UQCC1: variants seen among roughly 807,000 people sequenced by gnomAD.
UQCC1 encodes the protein bFGF-repressed Zic-binding protein.
A neutral mutation model predicts 48.0 loss-of-function variants in UQCC1; 38 were observed. The observed-to-expected ratio is 0.79, with a 90% confidence interval of 0.61 to 1.04. The LOEUF (loss-of-function observed/expected upper bound fraction) is 1.04. Ranked by LOEUF, UQCC1 falls within the 50% of genes least tolerant of loss-of-function variation. The pLI is 0.00. For synonymous variants in UQCC1, 111 were observed against 129.2 expected, an observed-to-expected ratio of 0.86 and a Z score of 0.95; for missense variants, 368 against 381.8, an observed-to-expected ratio of 0.96 and a Z score of 0.30.
chr20:35,311,238 A>G (rs1011468841), intron 8 of UQCC1, among the ~76,000 whole-genome samples: 1 of 152,180 alleles, frequency 6.6e-6, no homozygotes, highest in Non-Finnish European at 1.5e-5. Flanking sequence ...CAATGGCAAC[A>G]GTTCACAGAA....
At chr20:35,331,470 T>A (rs2061256908) in intron 7 of UQCC1, among the ~76,000 whole-genome samples, 2 of 151,274 alleles carry the variant, frequency 1.3e-5, no homozygotes, top group Admixed American at 6.6e-5. Context: ...TCCAAGTAAT[T>A]TATTCACTGG....
intron 7 of UQCC1, chr20:35,315,445 A>C (rs2061046546): frequency 6.6e-6 from 1 of 152,318 alleles, no homozygotes; most frequent in Admixed American, 6.5e-5. Flanking sequence ...GTGATGAAAA[A>C]ACAGAGAAGG....
chr20:35,357,754 T>C (rs922200438), intron 6 of UQCC1, among the ~76,000 whole-genome samples: 1 of 150,450 alleles, frequency 6.6e-6, no homozygotes, highest in African/African-American at 2.4e-5. Context: ...AATAAAAGAC[T>C]TGAAGATCCT....
intron 7 of UQCC1, chr20:35,344,859 G>T (rs2061416909): frequency 6.6e-6 from 1 of 152,244 alleles, no homozygotes; most frequent in Non-Finnish European, 1.5e-5. Flanking sequence ...ACCAAGGGAG[G>T]ATTAGAAGGT....
At position 35,306,646 on chromosome 20, in the gene UQCC1, G is replaced by C; in HGVS notation, c.765+20C>G. 1 of 1,590,160 alleles carries C rather than the reference G, an allele frequency of 6.3e-7. No individual in the cohort carries two copies. Among genetic ancestry groups the C allele is most frequent in the South Asian group, 1.1e-5 (1 of 90,640 alleles). Reference sequence around the variant, plus strand: ...CCCACTGTTGCCAGGACTTGGGAGGGGAGGGAAAGGGTCACTCACCTGTTT... The same window carrying C: ...CCCACTGTTGCCAGGACTTGGGAGGCGAGGGAAAGGGTCACTCACCTGTTT... On this transcript the variant is annotated intron_variant, in intron 9 of 9. Coordinates refer to ENST00000374385, the MANE Select transcript of UQCC1 (RefSeq NM_018244.5).
chr20:35,400,421 G>T (rs574317136), intron 1 of UQCC1, among the ~76,000 whole-genome samples: 7 of 151,864 alleles, frequency 4.6e-5, no homozygotes, highest in South Asian at 4.2e-4. Flanking sequence ...TAAGATAAAT[G>T]CACTGTTACT....
At chr20:35,310,273 G>A (rs1042596555) in intron 8 of UQCC1, among the ~76,000 whole-genome samples, 3 of 152,110 alleles carry the variant, frequency 2.0e-5, no homozygotes, top group Admixed American at 2.0e-4. Flanking sequence ...TAGATGGATG[G>A]GTGTGGAAAT....
chr20:35,345,225 A>G (rs777384319), intron 7 of UQCC1: 3 of 152,260 alleles, frequency 2.0e-5, no homozygotes, highest in Non-Finnish European at 4.4e-5. Flanking sequence ...GGGAACCCCA[A>G]TTTATAATCG....
intron 2 of UQCC1, among the ~76,000 whole-genome samples, chr20:35,387,574 A>G (rs530821227): frequency 6.6e-6 from 1 of 152,248 alleles, no homozygotes; most frequent in Admixed American, 6.5e-5. Flanking sequence ...AACCACAGGA[A>G]TGATCAAAGG....
At chr20:35,340,167 GTA>G (rs1436538612) in intron 7 of UQCC1, among the ~76,000 whole-genome samples, 1 of 152,164 alleles carries the variant, frequency 6.6e-6, no homozygotes. Flanking sequence ...CACCCTGACT[GTA>G]TGCACCTATG....
At chr20:35,328,924 G>T (rs2061227391) in intron 7 of UQCC1, among the ~76,000 whole-genome samples, 1 of 152,194 alleles carries the variant, frequency 6.6e-6, no homozygotes, top group African/African-American at 2.4e-5. Context: ...AAACTAGATT[G>T]TAAGCCCTGT....
intron 6 of UQCC1, among the ~76,000 whole-genome samples, chr20:35,351,694 C>T (rs1001770706): frequency 6.6e-6 from 1 of 152,176 alleles, no homozygotes; most frequent in Non-Finnish European, 1.5e-5. Context: ...TACACCTGCC[C>T]TCTGAGGTTT....
intron 6 of UQCC1, among the ~76,000 whole-genome samples, chr20:35,355,179 T>C (rs1396272409): frequency 2.0e-5 from 3 of 152,174 alleles, no homozygotes; most frequent in African/African-American, 7.2e-5. Context: ...ATTGTTATTT[T>C]TCTCCTCATC....
At chr20:35,328,611 G>A (rs975244337) in intron 7 of UQCC1, among the ~76,000 whole-genome samples, 1 of 152,146 alleles carries the variant, frequency 6.6e-6, no homozygotes, top group African/African-American at 2.4e-5. Context: ...GTCCAAACTG[G>A]CTTCAGTATG....
At chr20:35,320,043 T>C (rs2061105476) in intron 7 of UQCC1, among the ~76,000 whole-genome samples, 1 of 152,198 alleles carries the variant, frequency 6.6e-6, no homozygotes, top group Admixed American at 6.5e-5. Context: ...CTGCAGTCAG[T>C]AAAGTATGTG....
chr20:35,306,729 G>T lies in UQCC1; in HGVS notation c.702C>A (p.Phe234Leu). 1 of 1,614,044 alleles carries T rather than the reference G, an allele frequency of 6.2e-7. No individual in the cohort carries two copies. The highest frequency in any genetic ancestry group is 8.5e-7 in the Non-Finnish European group (1 of 1,180,016). ...GAGGGTCTTCACATTTCCGGTTGAAGAAGGTTCTCCAGAGGGCAGCGGCCA... is the reference window on the plus strand; with the variant it reads ...GAGGGTCTTCACATTTCCGGTTGAATAAGGTTCTCCAGAGGGCAGCGGCCA... ...HGLAAALWRT[F>L]FNRKCEDPRH... is the part of the protein sequence containing the mutation. The change falls in exon 9 of 10, where the codon TTC becomes TTA. Residue 234 changes from phenylalanine (F) to leucine (L), a missense_variant. Transcript: ENST00000374385.
intron 6 of UQCC1, among the ~76,000 whole-genome samples, chr20:35,354,367 C>T (rs1303864801): frequency 6.6e-6 from 1 of 151,418 alleles, no homozygotes; most frequent in Non-Finnish European, 1.5e-5. Flanking sequence ...CATGGATTGA[C>T]ACCTGAAAAT....
At chr20:35,349,832 A>G (rs2061471107) in intron 6 of UQCC1, among the ~76,000 whole-genome samples, 1 of 152,144 alleles carries the variant, frequency 6.6e-6, no homozygotes, top group African/African-American at 2.4e-5. Context: ...CCCCGATTCT[A>G]CAAAAAATAT....
chr20:35,366,612 A>G lies in UQCC1; in HGVS notation c.409T>C (p.Cys137Arg), dbSNP rs1198561022. The G allele has an allele frequency of 1.1e-5, 17 of 1,613,388 alleles. No homozygotes were observed. The highest frequency in any genetic ancestry group is 1.4e-5 in the Non-Finnish European group (17 of 1,179,492). ...KTDFEEFFLRCQMPDTFNSWF... is the reference protein window; with the variant it reads ...KTDFEEFFLRRQMPDTFNSWF... Reference sequence around the variant, plus strand: ...GAATTGAATGTATCAGGCATCTGACACCCTAGAAAATAACAATAAGGTATA... The same window carrying G: ...GAATTGAATGTATCAGGCATCTGACGCCCTAGAAAATAACAATAAGGTATA... The change falls in exon 6 of 10, where the codon TGT becomes CGT. Residue 137 changes from cysteine (C) to arginine (R), a missense_variant and splice_region_variant. Physicochemically the swap from Cys to Arg is radical, Grantham distance 180. Coordinates refer to ENST00000374385, the MANE Select transcript of UQCC1 (RefSeq NM_018244.5).
Sources: gnomAD v4.1 joint callset for allele counts (sites outside exome capture counted in the v4.1 genomes callset) on GRCh38, gnomAD v4.1.1 for gene constraint, MANE v1.5 for transcripts, NCBI Gene and HGNC (gene_info 2026-07-23, HGNC 2026-07-21) for gene names.